The following MTA3 variants were observed in gnomAD, a reference collection of about 807,000 sequenced individuals.
The protein encoded by MTA3 is metastasis-associated protein MTA3.
MTA3 carries 34 observed loss-of-function variants against 83.5 expected under a neutral mutation model. The ratio of observed to expected loss-of-function variants is 0.41; its 90% confidence interval spans 0.31 to 0.54. The LOEUF is 0.54. MTA3 is among the 20% of genes least tolerant of loss of function. The probability of loss-of-function intolerance (pLI) is 0.33; values close to 1 mark genes in which losing one functional copy is unlikely to be tolerated. For synonymous variants in MTA3, 303 were observed against 252.7 expected (o/e 1.20, Z -1.89); for missense variants, 761 against 726.4 (o/e 1.05, Z -0.55).
chr2:42,678,049 TAC>T (rs1691543251), intron 8 of MTA3, among the ~76,000 whole-genome samples: 1 of 152,210 alleles, frequency 6.6e-6, no homozygotes, highest in African/African-American at 2.4e-5. Context: ...ACAGCTAAAC[TAC>T]ACAGTCTGTC....
chr2:42,518,519 A>G (rs1675259576), intron 2 of MTA3, among the ~76,000 whole-genome samples: 1 of 152,228 alleles, frequency 6.6e-6, no homozygotes, highest in Non-Finnish European at 1.5e-5. Context: ...AATATCCAGG[A>G]GTCTATACTT....
chr2:42,668,668 G>A (rs1367518131), intron 8 of MTA3, among the ~76,000 whole-genome samples: 1 of 152,078 alleles, frequency 6.6e-6, no homozygotes, highest in Non-Finnish European at 1.5e-5. Context: ...TTGTCTGATA[G>A]GTATTTTGTC....
intron 4 of MTA3, among the ~76,000 whole-genome samples, chr2:42,632,335 C>T (rs998188550): frequency 4.6e-5 from 7 of 152,088 alleles, no homozygotes; most frequent in Non-Finnish European, 7.4e-5. Flanking sequence ...CATGATCCGC[C>T]CACCTCGGCC....
chr2:42,508,596 G>C (rs35394724), intron 2 of MTA3, among the ~76,000 whole-genome samples: 29,656 of 151,604 alleles, frequency 0.2, 3,071 homozygotes, highest in East Asian at 0.31. Context: ...GGCTCCCAAA[G>C]TCCTGGGATT....
chr2:42,751,497 G>A (rs917529304), intron 16 of MTA3, among the ~76,000 whole-genome samples: 2 of 152,214 alleles, frequency 1.3e-5, no homozygotes, highest in Non-Finnish European at 2.9e-5. Flanking sequence ...ATCTGGGGAA[G>A]CTCTGAGCAG....
In MTA3 at chr2:42,577,047, T is replaced by C. The variant is rs185351541; in HGVS notation, c.97-2060T>C. On this transcript the variant is annotated intron_variant, in intron 2 of 16. Coordinates refer to ENST00000405094, the MANE Select transcript of MTA3 (RefSeq NM_001330442.2). ...AGTTGGAGGTTGCAGTGAGCCGAGATTGTGCCACTGCACTCAAGCCTGGCA... is the reference window on the plus strand; with the variant it reads ...AGTTGGAGGTTGCAGTGAGCCGAGACTGTGCCACTGCACTCAAGCCTGGCA... 5.8e-3 allele frequency among the ~76,000 whole-genome samples: 802 copies of C among 139,156 alleles called. 8 individuals are homozygous for C. Among genetic ancestry groups the C allele is most frequent in the Middle Eastern group, 8.2e-3 (2 of 244 alleles). 91.3% of individuals were successfully genotyped at this position (139,156 alleles called of 152,430 possible).
At chr2:42,610,120 C>T (rs1684008041) in intron 4 of MTA3, among the ~76,000 whole-genome samples, 1 of 151,868 alleles carries the variant, frequency 6.6e-6, no homozygotes, top group African/African-American at 2.4e-5. Flanking sequence ...CGAAAAAAAA[C>T]AATAAGACAA....
intron 16 of MTA3, 22 bp from the exon 17 acceptor site, chr2:42,753,352 C>T (rs1488775021): frequency 1.9e-6 from 3 of 1,550,426 alleles, no homozygotes; most frequent in African/African-American, 1.4e-5. Flanking sequence ...TTAACCTTCA[C>T]ACTGTTACTT....
intron 7 of MTA3, among the ~76,000 whole-genome samples, chr2:42,657,414 G>T (rs1689269580): frequency 6.6e-6 from 1 of 152,180 alleles, no homozygotes; most frequent in Admixed American, 6.5e-5. Flanking sequence ...GGCCAATCTT[G>T]TGGCCCCTTG....
Position 42,753,906 on chromosome 2 carries a change from T to A in MTA3, c.*507T>A, listed in dbSNP as rs1290147334. On this transcript the variant is annotated 3_prime_UTR_variant, in exon 17 of 17. Transcript: ENST00000405094. ...TGAGGTTCAAGGTATTTCCCTGTCC[T>A]TGCTGTTACCGTCACTCAGCTTTTT... is the stretch of plus-strand genomic sequence containing the variant. 2.0e-6 allele frequency: 2 copies of A among 986,466 alleles called. No individual in the cohort carries two copies. Among genetic ancestry groups the A allele is most frequent in the Non-Finnish European group, 2.4e-6 (2 of 830,560 alleles). 61.1% of individuals were successfully genotyped at this position (986,466 alleles called of 1,614,324 possible). A position where few individuals can be genotyped will look rare whatever the true frequency, so the allele number is the denominator to read the frequency against.
chr2:42,614,772 A>T (rs942654650), intron 4 of MTA3, among the ~76,000 whole-genome samples: 1 of 152,026 alleles, frequency 6.6e-6, no homozygotes, highest in Non-Finnish European at 1.5e-5. Context: ...CCTTGTAGTT[A>T]AAGACCAGCC....
At chr2:42,599,047 C>G (rs1192111162) in intron 3 of MTA3, among the ~76,000 whole-genome samples, 1 of 152,158 alleles carries the variant, frequency 6.6e-6, no homozygotes, top group Non-Finnish European at 1.5e-5. Flanking sequence ...GGCTGCTCTC[C>G]TTTTTAACTT....
chr2:42,607,366 G>A (rs1683604815), intron 3 of MTA3, among the ~76,000 whole-genome samples: 1 of 152,066 alleles, frequency 6.6e-6, no homozygotes, highest in African/African-American at 2.4e-5. Context: ...TGGCTCAGAG[G>A]CATTGTTCAA....
chr2:42,574,693 T>C (rs1354182776), intron 2 of MTA3, among the ~76,000 whole-genome samples: 1 of 152,226 alleles, frequency 6.6e-6, no homozygotes, highest in Non-Finnish European at 1.5e-5. Flanking sequence ...CCCAAAGTGC[T>C]GGGATTACAG....
intron 7 of MTA3, among the ~76,000 whole-genome samples, chr2:42,658,724 GT>G (rs1299787242): frequency 6.6e-6 from 1 of 152,014 alleles, no homozygotes; most frequent in Non-Finnish European, 1.5e-5. Context: ...GTAACTATCT[GT>G]TTACTGTGTA....
chr2:42,498,445 T>C (rs781615725), intron 2 of MTA3, among the ~76,000 whole-genome samples: 11 of 152,182 alleles, frequency 7.2e-5, no homozygotes, highest in Non-Finnish European at 1.2e-4. Context: ...GAAGGTGCTC[T>C]CTCTTCAAAG....
At chr2:42,681,188 A>G (rs141527364) in intron 8 of MTA3, among the ~76,000 whole-genome samples, 37 of 152,326 alleles carry the variant, frequency 2.4e-4, no homozygotes, top group African/African-American at 7.2e-4. Context: ...TGAAATATAT[A>G]AGAAAACCAC....
intron 16 of MTA3, among the ~76,000 whole-genome samples, chr2:42,736,563 G>A (rs1362740105): frequency 6.6e-6 from 1 of 152,168 alleles, no homozygotes; most frequent in Non-Finnish European, 1.5e-5. Flanking sequence ...GATGCCAACT[G>A]GGAGCCAGGG....
At chr2:42,682,317 C>T (rs1200209871) in intron 8 of MTA3, 84 bp from the exon 9 acceptor site, 3 of 941,530 alleles carry the variant, frequency 3.2e-6, no homozygotes, top group Non-Finnish European at 4.5e-6. Flanking sequence ...TTAAGTACAT[C>T]ATATATTTTA....
Sources: gnomAD v4.1 joint callset for allele counts (sites outside exome capture counted in the v4.1 genomes callset) on GRCh38, gnomAD v4.1.1 for gene constraint, MANE v1.5 for transcripts, NCBI Gene and HGNC (gene_info 2026-07-23, HGNC 2026-07-21) for gene names.